The following DNAH5 variants were observed in gnomAD, a reference collection of about 807,000 sequenced individuals.
The protein encoded by DNAH5 is axonemal beta dynein heavy chain 5.
A neutral mutation model predicts 518.2 loss-of-function variants in DNAH5; 372 were observed. That is an observed-to-expected ratio of 0.72 (90% CI 0.66 to 0.78). The LOEUF (loss-of-function observed/expected upper bound fraction) is 0.78. Among genes scored for constraint, DNAH5 ranks in the 30% least tolerant of loss-of-function variants. DNAH5 has a pLI of 0.00. For synonymous variants in DNAH5, 2,039 were observed against 2,025.9 expected (o/e 1.01, Z -0.17); for missense variants, 5,523 against 5,687.0 (o/e 0.97, Z 0.93).
chr5:13,867,129 C>A (rs1335351244), intron 25 of DNAH5, among the ~76,000 whole-genome samples: 1 of 152,174 alleles, frequency 6.6e-6, no homozygotes, highest in South Asian at 2.1e-4. Flanking sequence ...TGCTACCAAA[C>A]AACTTCAGTA....
chr5:13,794,962 G>A (rs900864706), intron 47 of DNAH5, among the ~76,000 whole-genome samples: 6 of 152,068 alleles, frequency 3.9e-5, no homozygotes, highest in Admixed American at 6.5e-5. Flanking sequence ...GCGAGACTCC[G>A]TCTCAAAATA....
chr5:13,932,587 A>G (rs954138365), intron 1 of DNAH5: 65 of 152,382 alleles, frequency 4.3e-4, no homozygotes, highest in African/African-American at 1.5e-3. Flanking sequence ...TCTGAACCAC[A>G]TTACAAAGTT....
At position 13,762,717 on chromosome 5, in the gene DNAH5, C is replaced by T; in HGVS notation, c.10281+5G>A. 6.2e-7 allele frequency: 1 copy of T among 1,613,806 alleles called. No homozygotes were observed. The highest frequency in any genetic ancestry group is 1.1e-5 in the South Asian group (1 of 91,074). On this transcript the variant is annotated splice_donor_5th_base_variant and intron_variant, in intron 60 of 78. Coordinates refer to ENST00000265104, the MANE Select transcript of DNAH5 (RefSeq NM_001369.3). ...CCTTCACCCAGGTCTGCCTAGCAGGCTTACCTTCAGAGGCAGTACTTCTTT... is the reference window on the plus strand; with the variant it reads ...CCTTCACCCAGGTCTGCCTAGCAGGTTTACCTTCAGAGGCAGTACTTCTTT...
intron 46 of DNAH5, among the ~76,000 whole-genome samples, chr5:13,808,447 C>T (rs1382527618): frequency 6.6e-6 from 1 of 152,074 alleles, no homozygotes; most frequent in African/African-American, 2.4e-5. Flanking sequence ...TACAGCAGCC[C>T]TAGCAAACTA....
At chr5:13,765,572 A>G (rs995097461) in intron 59 of DNAH5, among the ~76,000 whole-genome samples, 11 of 152,208 alleles carry the variant, frequency 7.2e-5, no homozygotes, top group African/African-American at 2.7e-4. Flanking sequence ...ATATGTAAAT[A>G]TTCATCAAGT....
In DNAH5 at chr5:13,885,076, T is replaced by C. The variant is rs1277915465; in HGVS notation, c.2896A>G (p.Asn966Asp). ...GTAACTTTCAGAAGAGCATCCATGTTCTGATGGTTGAAATGAGAGAGTAAC... is the reference window on the plus strand; with the variant it reads ...GTAACTTTCAGAAGAGCATCCATGTCCTGATGGTTGAAATGAGAGAGTAAC... The part of the protein sequence containing the change: ...RELLSHFNHQ[N>D]MDALLKVTRN... The change falls in exon 19 of 79, where the codon AAC becomes GAC. Residue 966 changes from asparagine (N) to aspartate (D), a missense_variant. Asn to Asp is a conservative substitution (Grantham distance 23). This residue lies in a region of DNAH5 where 5,121 missense variants were observed against 5,223.3 expected (regional missense o/e 0.98). Transcript: ENST00000265104. The C allele has an allele frequency of 6.2e-7, 1 of 1,614,224 alleles. No homozygotes were observed. The highest frequency in any genetic ancestry group is 1.1e-5 in the South Asian group (1 of 91,086).
At chr5:13,971,744 G>A (rs929020450) in intron 1 of DNAH5, among the ~76,000 whole-genome samples, 6 of 152,180 alleles carry the variant, frequency 3.9e-5, no homozygotes, top group Non-Finnish European at 5.9e-5. Flanking sequence ...CTGGTTTTGT[G>A]TTGGTTGGCC....
intron 12 of DNAH5, among the ~76,000 whole-genome samples, chr5:13,906,147 G>A (rs1775259462): frequency 6.6e-6 from 1 of 152,204 alleles, no homozygotes; most frequent in South Asian, 2.1e-4. Flanking sequence ...CTTTTCGGTA[G>A]GAAAACACTT....
intron 71 of DNAH5, among the ~76,000 whole-genome samples, 176 bp from the exon 72 acceptor site, chr5:13,719,277 T>C (rs1744729100): frequency 6.6e-6 from 1 of 152,230 alleles, no homozygotes; most frequent in African/African-American, 2.4e-5. Flanking sequence ...GCTATTTTAT[T>C]TTTAGTCCAT....
At position 13,920,548 on chromosome 5, in the gene DNAH5, CTAGAGTCAAGTAG is replaced by C. The variant is rs2151992688; in HGVS notation, c.717_729del (p.Asp239GlufsTer11). The stretch of plus-strand genomic sequence containing the variant: ...TTTCCCAAAGTCTCAGGGTTATTTG[CTAGAGTCAAGTAG>C]TCCGTAGGTTCCTTTAGGGTTTTCA... On this transcript the variant is annotated frameshift_variant, in exon 6 of 79. Coordinates refer to ENST00000265104, the MANE Select transcript of DNAH5 (RefSeq NM_001369.3). LOFTEE classifies it high-confidence loss of function. 5 of 1,614,120 alleles carry C rather than the reference CTAGAGTCAAGTAG, an allele frequency of 3.1e-6. No individual in the cohort carries two copies. The highest frequency in any genetic ancestry group is 4.2e-6 in the Non-Finnish European group (5 of 1,179,974).
At chr5:13,877,111 A>G (rs1771005462) in intron 21 of DNAH5, among the ~76,000 whole-genome samples, 1 of 152,198 alleles carries the variant, frequency 6.6e-6, no homozygotes, top group African/African-American at 2.4e-5. Flanking sequence ...CTCTCTGGCT[A>G]TAGGGTAGCC....
intron 1 of DNAH5, among the ~76,000 whole-genome samples, chr5:13,935,362 C>A (rs192582814): frequency 1.3e-5 from 2 of 152,236 alleles, no homozygotes; most frequent in Admixed American, 1.3e-4. Context: ...ACTAATTATT[C>A]TATTTTTACT....
chr5:13,725,585 G>A (rs1001143217), intron 70 of DNAH5, among the ~76,000 whole-genome samples: 3 of 152,184 alleles, frequency 2.0e-5, no homozygotes, highest in African/African-American at 7.2e-5. Context: ...TGGTCCCAAT[G>A]CAACAGATTC....
intron 12 of DNAH5, among the ~76,000 whole-genome samples, chr5:13,906,819 C>T (rs1282596752): frequency 2.0e-5 from 3 of 151,946 alleles, no homozygotes; most frequent in African/African-American, 7.2e-5. Flanking sequence ...TAAGAAACAG[C>T]AATAGTGACC....
rs760815224 is a variant in DNAH5 at position 13,737,515 on chromosome 5, T to C, written c.11212-20A>G. On this transcript the variant is annotated intron_variant, in intron 65 of 78. Transcript: ENST00000265104. ...CAATTCCTATTAATTTGCATAAATA[T>C]ATTTTCTACCTCAATTAACAACTCT... 1.1e-5 allele frequency: 17 copies of C among 1,611,942 alleles called. No individual in the cohort carries two copies. Among genetic ancestry groups the C allele is most frequent in the South Asian group, 6.6e-5 (6 of 91,014 alleles).
At chr5:13,831,148 T>C (rs1034535771) in intron 35 of DNAH5, among the ~76,000 whole-genome samples, 1 of 152,222 alleles carries the variant, frequency 6.6e-6, no homozygotes, top group African/African-American at 2.4e-5. Context: ...CCATCTAAAA[T>C]GTATATATTC....
At chr5:13,772,243 G>A (rs1010991677) in intron 55 of DNAH5, among the ~76,000 whole-genome samples, 6 of 152,084 alleles carry the variant, frequency 3.9e-5, no homozygotes, top group Non-Finnish European at 5.9e-5. Flanking sequence ...GGATATTCTC[G>A]GGGAAGTGCC....
intron 1 of DNAH5, among the ~76,000 whole-genome samples, chr5:13,983,547 G>A (rs1056052144): frequency 1.3e-5 from 2 of 152,158 alleles, no homozygotes; most frequent in Non-Finnish European, 2.9e-5. Context: ...CAGAGCCCCT[G>A]GGAGACAGCT....
intron 12 of DNAH5, among the ~76,000 whole-genome samples, chr5:13,903,466 A>G (rs1774926822): frequency 1.3e-5 from 2 of 152,068 alleles, no homozygotes; most frequent in African/African-American, 4.8e-5. Flanking sequence ...CCTCAAATGG[A>G]AGAAGCACAT....
Sources: gnomAD v4.1 joint callset for allele counts (sites outside exome capture counted in the v4.1 genomes callset) on GRCh38, gnomAD v4.1.1 for gene constraint, gnomAD v4.1.1 regional missense constraint, MANE v1.5 for transcripts, NCBI Gene and HGNC (gene_info 2026-07-23, HGNC 2026-07-21) for gene names.